TNFRSF19: variants seen among roughly 807,000 people sequenced by gnomAD.
The protein encoded by TNFRSF19 is TNF receptor superfamily member 19, also known as tumor necrosis factor receptor superfamily member 19.
Under a neutral mutation model 46.4 loss-of-function variants are expected in TNFRSF19, and 27 were observed. The observed-to-expected ratio is 0.58, with a 90% CI of 0.43 to 0.80. The LOEUF (loss-of-function observed/expected upper bound fraction) is 0.80, where lower values mean the gene tolerates loss of function less well. Among genes scored for constraint, TNFRSF19 ranks in the 30% least tolerant of loss-of-function variants. The pLI is 0.00. For synonymous variants in TNFRSF19, 204 were observed against 205.0 expected (o/e 1.00, Z 0.04); for missense variants, 511 against 530.8 (o/e 0.96, Z 0.37).
At chr13:23,574,064 A>C (rs980760290) in intron 1 of TNFRSF19, among the ~76,000 whole-genome samples, 2 of 150,696 alleles carry the variant, frequency 1.3e-5, no homozygotes, top group African/African-American at 4.9e-5. Context: ...TCTGTCTCAA[A>C]AAAAAAAAAA....
chr13:23,604,259 A>ACCC (rs34398587), intron 3 of TNFRSF19, among the ~76,000 whole-genome samples: 3,575 of 149,356 alleles, frequency 0.024, 67 homozygotes, highest in African/African-American at 0.037. Context: ...TTATATTAGC[A>ACCC]CCCCCCCCAA....
At chr13:23,577,209 C>T (rs1173074957) in intron 1 of TNFRSF19, among the ~76,000 whole-genome samples, 4 of 152,252 alleles carry the variant, frequency 2.6e-5, no homozygotes, top group African/African-American at 9.6e-5. Context: ...TTCAGGCTAA[C>T]AATAGGTTCT....
At chr13:23,603,777 A>AAAC (rs766555733) in intron 3 of TNFRSF19, among the ~76,000 whole-genome samples, 13 of 152,110 alleles carry the variant, frequency 8.5e-5, no homozygotes, top group Admixed American at 2.6e-4. Flanking sequence ...ATTCATGATT[A>AAAC]AACAACAACA....
chr13:23,633,826 G>A (rs1293263666), intron 5 of TNFRSF19, among the ~76,000 whole-genome samples: 1 of 152,146 alleles, frequency 6.6e-6, no homozygotes, highest in Non-Finnish European at 1.5e-5. Flanking sequence ...TCCAGCCTGG[G>A]TGACAAGAGC....
At chr13:23,642,256 C>T (rs1167416926) in intron 5 of TNFRSF19, among the ~76,000 whole-genome samples, 1 of 152,174 alleles carries the variant, frequency 6.6e-6, no homozygotes, top group East Asian at 1.9e-4. Context: ...CATTCCGTCA[C>T]GTTTCCAAAG....
chr13:23,613,025 C>T (rs1472223843), intron 3 of TNFRSF19, among the ~76,000 whole-genome samples: 1 of 152,092 alleles, frequency 6.6e-6, no homozygotes, highest in African/African-American at 2.4e-5. Flanking sequence ...TTGTGTTCCA[C>T]TAAACTTGTT....
chr13:23,646,917 G>GTCCCAATTTCTCCACATC (rs1883364343), intron 5 of TNFRSF19, among the ~76,000 whole-genome samples: 1 of 152,098 alleles, frequency 6.6e-6, no homozygotes, highest in South Asian at 2.1e-4. Flanking sequence ...ATTCACACAG[G>GTCCCAATTTCTCCACATC]TCCCAATTTC....
At chr13:23,658,618 C>T (rs1884137071) in intron 5 of TNFRSF19, among the ~76,000 whole-genome samples, 1 of 152,062 alleles carries the variant, frequency 6.6e-6, no homozygotes, top group Admixed American at 6.6e-5. Flanking sequence ...TAAAGTTGCC[C>T]CAAAAAGCAT....
intron 1 of TNFRSF19, among the ~76,000 whole-genome samples, chr13:23,582,930 A>G (rs998340021): frequency 2.6e-5 from 4 of 152,284 alleles, no homozygotes; most frequent in East Asian, 1.9e-4. Context: ...CTAGTATTCC[A>G]TTGCATGCAC....
At chr13:23,594,010 C>T (rs1276168260) in intron 3 of TNFRSF19, among the ~76,000 whole-genome samples, 1 of 152,128 alleles carries the variant, frequency 6.6e-6, no homozygotes, top group Admixed American at 6.5e-5. Context: ...TCCGGGTACT[C>T]CTCCCCCTCA....
intron 4 of TNFRSF19, among the ~76,000 whole-genome samples, chr13:23,623,090 A>G (rs546602378): frequency 1.3e-5 from 2 of 152,304 alleles, no homozygotes; most frequent in South Asian, 2.1e-4. Flanking sequence ...CTGAAACTCT[A>G]TACCCGTTAA....
At chr13:23,646,361 A>G (rs1883331604) in intron 5 of TNFRSF19, among the ~76,000 whole-genome samples, 1 of 152,188 alleles carries the variant, frequency 6.6e-6, no homozygotes, top group Non-Finnish European at 1.5e-5. Context: ...GATATTGTGC[A>G]GCCATCACCA....
intron 5 of TNFRSF19, among the ~76,000 whole-genome samples, chr13:23,647,983 T>A (rs1269767625): frequency 1.3e-5 from 2 of 152,200 alleles, no homozygotes; most frequent in Non-Finnish European, 2.9e-5. Flanking sequence ...CCCTTTTTTT[T>A]AACTGTAGCT....
intron 4 of TNFRSF19, among the ~76,000 whole-genome samples, chr13:23,619,820 G>T (rs1881538060): frequency 6.6e-6 from 1 of 152,164 alleles, no homozygotes; most frequent in African/African-American, 2.4e-5. Flanking sequence ...GGTGGGGAAA[G>T]GCCTGACCTA....
Position 23,630,633 on chromosome 13 carries a change from G to A in TNFRSF19, c.445+3841G>A, listed in dbSNP as rs185253215. Reference sequence around the variant, plus strand: ...AGACACCCATTACATAGAAATGCCTGCTGCAGGCATTGTTCCCCCAAGTAA... The same window carrying A: ...AGACACCCATTACATAGAAATGCCTACTGCAGGCATTGTTCCCCCAAGTAA... On this transcript the variant is annotated intron_variant, in intron 5 of 9. Coordinates refer to ENST00000248484, the MANE Select transcript of TNFRSF19 (RefSeq NM_148957.4). Among the ~76,000 whole-genome samples the A allele has an allele frequency of 2.0e-5, 3 of 152,342 alleles. No homozygotes were observed. In the East Asian group the frequency reaches 5.8e-4, roughly 29 times the overall value.
intron 2 of TNFRSF19, among the ~76,000 whole-genome samples, chr13:23,591,711 A>AT (rs397956303): frequency 2.5e-5 from 3 of 122,152 alleles, no homozygotes; most frequent in African/African-American, 9.5e-5. Flanking sequence ...AGCCTTAAAA[A>AT]TTTTCTTTCT....
chr13:23,617,028 CG>C (rs1881345202), intron 4 of TNFRSF19, among the ~76,000 whole-genome samples: 1 of 152,036 alleles, frequency 6.6e-6, no homozygotes. Flanking sequence ...ACAGTGACAG[CG>C]TAAATTGGGT....
intron 1 of TNFRSF19, among the ~76,000 whole-genome samples, chr13:23,581,012 G>T (rs1185288271): frequency 6.6e-6 from 1 of 152,210 alleles, no homozygotes; most frequent in African/African-American, 2.4e-5. Context: ...TGTTTCTTTG[G>T]CCGGAGTGTG....
chr13:23,599,939 T>C (rs1420367428), intron 3 of TNFRSF19, among the ~76,000 whole-genome samples: 1 of 152,096 alleles, frequency 6.6e-6, no homozygotes, highest in African/African-American at 2.4e-5. Flanking sequence ...TTAATTTTCG[T>C]TTAAAGATGA....
Sources: allele counts gnomAD v4.1 joint callset (sites outside exome capture counted in the v4.1 genomes callset), GRCh38; gene constraint gnomAD v4.1.1; transcripts MANE v1.5; gene names NCBI Gene and HGNC (gene_info 2026-07-23, HGNC 2026-07-21).